Variants in SEMA4F observed in about 807,000 individuals in gnomAD.
The protein encoded by SEMA4F is semaphorin-4F.
A neutral mutation model predicts 78.4 loss-of-function variants in SEMA4F; 51 were observed. That is an observed-to-expected ratio of 0.65 (90% CI 0.52 to 0.82). The LOEUF is 0.82. Among genes scored for constraint, SEMA4F ranks in the 40% least tolerant of loss-of-function variants. The probability of loss-of-function intolerance (pLI) is 0.00; values close to 1 mark genes in which losing one functional copy is unlikely to be tolerated. For missense variants in SEMA4F, 938 were observed against 1,014.4 expected (o/e 0.92, Z 1.02); for synonymous variants, 418 against 408.7 (o/e 1.02, Z -0.27).
At position 74,675,611 on chromosome 2, in the gene SEMA4F, G is replaced by A. The variant is rs565619574; in HGVS notation, c.1459G>A (p.Val487Ile). 6.2e-7 allele frequency: 1 copy of A among 1,614,182 alleles called. No individual in the cohort carries two copies. The highest frequency in any genetic ancestry group is 8.5e-7 in the Non-Finnish European group (1 of 1,180,006). Reference protein sequence around the residue: ...DLALFPEPQPVENMKLYHSWL... With the variant: ...DLALFPEPQPIENMKLYHSWL... ...GGCCTTATTCCCAGAGCCACAGCCA[G>A]TTGAGAACATGAAATTGTACCACGT... The change falls in exon 11 of 14, where the codon GTT becomes ATT. Residue 487 changes from valine to isoleucine, a missense_variant. Coordinates refer to ENST00000357877, the MANE Select transcript of SEMA4F (RefSeq NM_004263.5).
intron 5 of SEMA4F, among the ~76,000 whole-genome samples, chr2:74,671,083 T>G (rs13433058): frequency 0.094 from 14,352 of 152,186 alleles, 2,108 homozygotes; most frequent in African/African-American, 0.31. Flanking sequence ...GCTTAGGAAA[T>G]TTACTTTGCC....
rs762243793 is a variant in SEMA4F at position 74,654,405 on chromosome 2, C to G, written c.29C>G (p.Pro10Arg). MPASAARPR[P>R]GPGQPTASPF... ...CCGGCCTCTGCTGCGCGGCCCCGCCCGGGTCCCGGGCAGCCTACAGCCTCG... is the reference window on the plus strand; with the variant it reads ...CCGGCCTCTGCTGCGCGGCCCCGCCGGGGTCCCGGGCAGCCTACAGCCTCG... Residue 10 changes from proline (P) to arginine (R), a missense_variant, in exon 1 of 14, where the codon CCG (proline) becomes CGG (arginine). Transcript: ENST00000357877. 3.3e-6 allele frequency: 5 copies of G among 1,532,722 alleles called. No homozygotes were observed. The South Asian group carries it at 4.8e-5, about 15-fold the overall frequency. 94.9% of individuals were successfully genotyped at this position (1,532,722 alleles called of 1,614,324 possible).
At chr2:74,687,001 G>T (rs1685837243), downstream of SEMA4F, among the ~76,000 whole-genome samples, 1 of 151,960 alleles carries the variant, frequency 6.6e-6, no homozygotes, top group South Asian at 2.1e-4. Context: ...AAAAAAAGAA[G>T]AAAAGAAAAC....
intron 5 of SEMA4F, among the ~76,000 whole-genome samples, chr2:74,669,072 G>A (rs546297625): frequency 1.3e-5 from 2 of 152,094 alleles, no homozygotes; most frequent in East Asian, 3.9e-4. Flanking sequence ...ACCAGCTGGG[G>A]CAACATACTG....
intron 7 of SEMA4F, 73 bp downstream of exon 7, chr2:74,673,901 G>C: frequency 6.6e-7 from 1 of 1,512,716 alleles, no homozygotes; most frequent in Non-Finnish European, 8.9e-7. Flanking sequence ...TTTCCTCTTT[G>C]GGTCTCTGTC....
In SEMA4F at chr2:74,673,535, AGGACT is replaced by A; in HGVS notation, c.633_637del (p.Trp212SerfsTer28). 1.9e-6 allele frequency: 3 copies of A among 1,614,102 alleles called. No homozygotes were observed. The highest frequency in any genetic ancestry group is 2.5e-6 in the Non-Finnish European group (3 of 1,180,020). On this transcript the variant is annotated frameshift_variant, in exon 6 of 14. Transcript: ENST00000357877. LOFTEE classifies it high-confidence loss of function. The stretch of plus-strand genomic sequence containing the variant: ...ATCACCAGAGCAGTGGGTCGTGCCG[AGGACT>A]GGATTCGGACAGATACCTTGCCTTC...
Position 74,654,299 on chromosome 2 carries a change from G to T in SEMA4F, c.-78G>T. On this transcript the variant is annotated 5_prime_UTR_variant, in exon 1 of 14. Transcript: ENST00000357877. ...CGGACCGAGCCGAGAGGACCCGAGT[G>T]GGGCCGAGGCCAGTAGCCCCGGGGC... is the stretch of plus-strand genomic sequence containing the variant. 1 of 1,361,800 alleles carries T rather than the reference G, an allele frequency of 7.3e-7. No individual in the cohort carries two copies. Among genetic ancestry groups the T allele is most frequent in the Non-Finnish European group, 9.4e-7 (1 of 1,062,154 alleles). The allele number at this position is 1,361,800 out of a possible 1,614,324, so 84.4% of individuals were successfully genotyped here. A position where few individuals can be genotyped will look rare whatever the true frequency, so the allele number is the denominator to read the frequency against.
At chr2:74,699,809 G>C in the SEMA4F span, among the ~76,000 whole-genome samples, 1 of 152,186 alleles carries the variant, frequency 6.6e-6, no homozygotes, top group Non-Finnish European at 1.5e-5. Context: ...TAATATAGCA[G>C]AGGCCCAGGC....
At position 74,661,792 on chromosome 2, in the gene SEMA4F, C is replaced by T. The variant is rs546260912; in HGVS notation, c.457-940C>T. 7.2e-5 allele frequency among the ~76,000 whole-genome samples: 11 copies of T among 152,208 alleles called. No individual in the cohort carries two copies. In the South Asian group the frequency reaches 1.5e-3, roughly 20 times the overall value. On this transcript the variant is annotated intron_variant, in intron 4 of 13. Transcript: ENST00000357877. Reference sequence around the variant, plus strand: ...CACTTATTTTTCAGGGGATATATATCGATATTTCTGCAACAGCTACCATGG... The same window carrying T: ...CACTTATTTTTCAGGGGATATATATTGATATTTCTGCAACAGCTACCATGG...
rs774862729 is a variant in SEMA4F at position 74,673,507 on chromosome 2, A to G, written c.601A>G (p.Ile201Val). ...GAAAAACTACCTGGGGACGGAGCCA[A>G]TTATCACCAGAGCAGTGGGTCGTGC... ...TVKNYLGTEP[I>V]ITRAVGRAED... The change falls in exon 6 of 14, where the codon ATT becomes GTT. Residue 201 changes from isoleucine (I) to valine (V), a missense_variant. Transcript: ENST00000357877. 1.3e-5 allele frequency: 21 copies of G among 1,613,974 alleles called. No homozygotes were observed. The African/African-American group carries it at 1.3e-4, about 10-fold the overall frequency.
chr2:74,654,305 G>C lies in SEMA4F; in HGVS notation c.-72G>C. ...GAGCCGAGAGGACCCGAGTGGGGCC[G>C]AGGCCAGTAGCCCCGGGGCCCTGAG... is the stretch of plus-strand genomic sequence containing the variant. On this transcript the variant is annotated 5_prime_UTR_variant, in exon 1 of 14. Transcript: ENST00000357877. 7.3e-7 allele frequency: 1 copy of C among 1,369,004 alleles called. No homozygotes were observed. Among genetic ancestry groups the C allele is most frequent in the Non-Finnish European group, 9.4e-7 (1 of 1,067,154 alleles). 84.8% of individuals were successfully genotyped at this position (1,369,004 alleles called of 1,614,324 possible).
At chr2:74,667,918 G>A (rs1283048429) in intron 5 of SEMA4F, among the ~76,000 whole-genome samples, 2 of 152,092 alleles carry the variant, frequency 1.3e-5, no homozygotes, top group Non-Finnish European at 2.9e-5. Flanking sequence ...TGGACATTAC[G>A]TGGAGGTACA....
In SEMA4F at chr2:74,662,799, C is replaced by T; in HGVS notation, c.524C>T (p.Ala175Val). The T allele has an allele frequency of 6.2e-7, 1 of 1,614,210 alleles. No homozygotes were observed. Among genetic ancestry groups the T allele is most frequent in the Non-Finnish European group, 8.5e-7 (1 of 1,180,026 alleles). ...SGRGKCPFEP[A>V]QRSAAVMAGG... ...CGGGGGAAATGTCCTTTTGAGCCAG[C>T]TCAGCGGTCAGCAGCTGTAATGGCT... Residue 175 changes from alanine to valine, a missense_variant, in exon 5 of 14, where the codon GCT becomes GTT. By Grantham distance (64) the Ala-to-Val change is moderately conservative. Coordinates refer to ENST00000357877, the MANE Select transcript of SEMA4F (RefSeq NM_004263.5).
chr2:74,709,069 G>A, the SEMA4F span, among the ~76,000 whole-genome samples: 8 of 152,328 alleles, frequency 5.3e-5, no homozygotes, highest in Non-Finnish European at 1.2e-4. Flanking sequence ...GGAGGATGAG[G>A]TGGGAGGTTG....
intron 5 of SEMA4F, 71 bp downstream of exon 5, chr2:74,662,896 TTC>T: frequency 7.7e-7 from 1 of 1,299,842 alleles, no homozygotes. Flanking sequence ...CTGTTAGAAT[TTC>T]TGTGTTCTTT....
In SEMA4F at chr2:74,654,385, C is replaced by A. The variant is rs1293646494; in HGVS notation, c.9C>A (p.Ala3=). MP[A]SAARPRPGPG... ...GCCAGGCGGAGCCAAAGATGCCGGC[C>A]TCTGCTGCGCGGCCCCGCCCGGGTC... Residue 3 remains alanine, a synonymous_variant, in exon 1 of 14, where the codon GCC becomes GCA. Transcript: ENST00000357877. The A allele has an allele frequency of 1.3e-6, 2 of 1,511,420 alleles. No individual in the cohort carries two copies. Among genetic ancestry groups the A allele is most frequent in the African/African-American group, 2.9e-5 (2 of 69,114 alleles). 93.6% of individuals were successfully genotyped at this position (1,511,420 alleles called of 1,614,324 possible). A position where few individuals can be genotyped will look rare whatever the true frequency, so the allele number is the denominator to read the frequency against.
chr2:74,675,443 A>G (rs1685221930), intron 10 of SEMA4F, 59 bp downstream of exon 10: 3 of 1,592,896 alleles, frequency 1.9e-6, no homozygotes, highest in Admixed American at 1.7e-5. Context: ...CGTCACAGAG[A>G]GGGTACTGTA....
At chr2:74,697,964 C>A in the SEMA4F span, among the ~76,000 whole-genome samples, 10 of 152,276 alleles carry the variant, frequency 6.6e-5, no homozygotes, top group African/African-American at 2.4e-4. Context: ...AGTTCACTCA[C>A]AGGCAGCAAG....
At chr2:74,684,275 G>T (rs1685762918), downstream of SEMA4F, among the ~76,000 whole-genome samples, 1 of 152,104 alleles carries the variant, frequency 6.6e-6, no homozygotes, top group South Asian at 2.1e-4. Context: ...TTGTAATACA[G>T]CTGTCATTAA....
Sources: allele counts gnomAD v4.1 joint callset (sites outside exome capture counted in the v4.1 genomes callset), GRCh38; gene constraint gnomAD v4.1.1; transcripts MANE v1.5; gene names NCBI Gene and HGNC (gene_info 2026-07-23, HGNC 2026-07-21).